Variants in SORCS2 observed in about 807,000 individuals in gnomAD.
SORCS2 encodes VPS10 domain-containing receptor SorCS2.
A neutral mutation model predicts 141.6 loss-of-function variants in SORCS2; 100 were observed. The observed-to-expected ratio is 0.71, with a 90% confidence interval of 0.60 to 0.83. The LOEUF (loss-of-function observed/expected upper bound fraction) is 0.83. SORCS2 is among the 40% of genes least tolerant of loss of function. The probability of loss-of-function intolerance (pLI) is 0.00; values close to 1 mark genes in which losing one functional copy is unlikely to be tolerated. For synonymous variants in SORCS2, 789 were observed against 676.9 expected (o/e 1.17, Z -2.57); for missense variants, 1,646 against 1,560.2 (o/e 1.05, Z -0.93).
intron 1 of SORCS2, among the ~76,000 whole-genome samples, chr4:7,243,809 G>C (rs955813048): frequency 5.9e-5 from 9 of 152,236 alleles, no homozygotes; most frequent in African/African-American, 2.2e-4. Context: ...TTCCCTGCGA[G>C]GGCAGGCCGG....
intron 1 of SORCS2, among the ~76,000 whole-genome samples, chr4:7,204,497 C>T (rs1042026918): frequency 6.6e-6 from 1 of 152,152 alleles, no homozygotes; most frequent in East Asian, 1.9e-4. Context: ...AGATTGTAGG[C>T]GTGAGCCACC....
intron 16 of SORCS2, 128 bp from the exon 17 acceptor site, chr4:7,715,055 C>CA: frequency 7.7e-7 from 1 of 1,301,312 alleles, no homozygotes; most frequent in Admixed American, 1.9e-5. Context: ...GATGTCCTCA[C>CA]AGATGGGTGC....
chr4:7,341,270 C>A (rs1382877473), intron 1 of SORCS2, among the ~76,000 whole-genome samples: 1 of 152,216 alleles, frequency 6.6e-6, no homozygotes, highest in Non-Finnish European at 1.5e-5. Context: ...AGCCCCTGGG[C>A]CTTTGCACAT....
At chr4:7,316,007 A>G (rs1417026190) in intron 1 of SORCS2, among the ~76,000 whole-genome samples, 1 of 151,832 alleles carries the variant, frequency 6.6e-6, no homozygotes, top group Admixed American at 6.6e-5. Context: ...ATATTCATCT[A>G]TCCTTTCTAT....
intron 1 of SORCS2, among the ~76,000 whole-genome samples, chr4:7,330,322 C>T (rs1719573361): frequency 6.6e-6 from 1 of 152,072 alleles, no homozygotes; most frequent in African/African-American, 2.4e-5. Flanking sequence ...AGGACATGGA[C>T]ACCTTTTAGG....
intron 2 of SORCS2, among the ~76,000 whole-genome samples, chr4:7,436,424 G>A (rs1286928771): frequency 6.6e-6 from 1 of 152,236 alleles, no homozygotes; most frequent in African/African-American, 2.4e-5. Flanking sequence ...CTGCCCCTTG[G>A]CGTGAACGCA....
At position 7,623,104 on chromosome 4, in the gene SORCS2, C is replaced by T. The variant is rs575549684; in HGVS notation, c.649-15224C>T. 1.6e-4 allele frequency among the ~76,000 whole-genome samples: 25 copies of T among 152,216 alleles called. No individual in the cohort carries two copies. In the South Asian group the frequency reaches 4.8e-3, roughly 29 times the overall value. On this transcript the variant is annotated intron_variant, in intron 3 of 26. Transcript: ENST00000507866. ...TAGGGACCATTACCCCCCCGACTGG[C>T]AGCCAGTGGTGCCCAGGGACACCGA...
At chr4:7,733,493 C>G in intron 24 of SORCS2, 72 bp downstream of exon 24, 2 of 1,278,290 alleles carry the variant, frequency 1.6e-6, no homozygotes, top group Non-Finnish European at 2.2e-6. Flanking sequence ...CATGTCCCTG[C>G]AGGGCCCTCG....
chr4:7,509,920 A>C (rs1489822241), intron 2 of SORCS2, among the ~76,000 whole-genome samples: 1 of 152,202 alleles, frequency 6.6e-6, no homozygotes, highest in Non-Finnish European at 1.5e-5. Flanking sequence ...CTTCAGGGGC[A>C]CGAAATTACA....
chr4:7,264,594 G>A (rs183851930), intron 1 of SORCS2, among the ~76,000 whole-genome samples: 145 of 152,320 alleles, frequency 9.5e-4, no homozygotes, highest in African/African-American at 3.2e-3. Context: ...TGTCCTTCTC[G>A]GGAAGGTGCT....
At chr4:7,538,433 C>A (rs760700913) in intron 3 of SORCS2, among the ~76,000 whole-genome samples, 1 of 152,190 alleles carries the variant, frequency 6.6e-6, no homozygotes, top group Non-Finnish European at 1.5e-5. Context: ...CCACTTGGCC[C>A]CAGGAGCCCT....
chr4:7,592,004 A>C (rs1200305430), intron 3 of SORCS2, among the ~76,000 whole-genome samples: 1 of 151,924 alleles, frequency 6.6e-6, no homozygotes, highest in Non-Finnish European at 1.5e-5. Flanking sequence ...GAAAAAAAAA[A>C]TCCCCCTTTA....
intron 1 of SORCS2, among the ~76,000 whole-genome samples, chr4:7,331,128 AG>A (rs1409980984): frequency 1.3e-5 from 2 of 151,756 alleles, no homozygotes; most frequent in Non-Finnish European, 2.9e-5. Flanking sequence ...GGGTGGGGAC[AG>A]GGTGGAGGAA....
chr4:7,498,710 G>A (rs1731780513), intron 2 of SORCS2, among the ~76,000 whole-genome samples: 1 of 152,234 alleles, frequency 6.6e-6, no homozygotes, highest in African/African-American at 2.4e-5. Context: ...GTGGACCAAG[G>A]CTGATGCCTG....
intron 12 of SORCS2, among the ~76,000 whole-genome samples, chr4:7,698,445 C>T (rs541289165): frequency 5.3e-5 from 8 of 152,104 alleles, no homozygotes; most frequent in African/African-American, 1.2e-4. Context: ...AGGGCAAAGG[C>T]GATTTATTGT....
At chr4:7,388,103 C>T (rs986269248) in intron 1 of SORCS2, among the ~76,000 whole-genome samples, 2 of 130,806 alleles carry the variant, frequency 1.5e-5, no homozygotes, top group African/African-American at 5.9e-5. Flanking sequence ...CACATGCATG[C>T]ACAGACACAT....
intron 1 of SORCS2, among the ~76,000 whole-genome samples, chr4:7,300,283 G>A (rs560381882): frequency 5.3e-4 from 80 of 152,286 alleles, no homozygotes; most frequent in African/African-American, 1.7e-3. Flanking sequence ...TCGGGGATGG[G>A]GTGGGAAGTA....
intron 1 of SORCS2, among the ~76,000 whole-genome samples, chr4:7,296,562 T>C (rs895824703): frequency 7.9e-5 from 12 of 152,144 alleles, no homozygotes; most frequent in Non-Finnish European, 1.3e-4. Flanking sequence ...TTGAGGCCAC[T>C]CGCTCCTGCG....
Position 7,714,261 on chromosome 4 carries a change from C to G in SORCS2, c.2011C>G (p.Gln671Glu), listed in dbSNP as rs1726035637. Residue 671 changes from glutamine (Q) to glutamate (E), a missense_variant, in exon 16 of 27, where the codon CAG becomes GAG. Gln to Glu is a conservative substitution (Grantham distance 29, BLOSUM62 2). Transcript: ENST00000507866. The stretch of plus-strand genomic sequence containing the variant: ...GCAGGGCGACCGCTGTATCATGGGC[C>G]AGCAGAGAAGTTTCCGGAAAAGAAA... ...NLQGDRCIMG[Q>E]QRSFRKRKST... is the part of the protein sequence containing the mutation. 1.2e-6 allele frequency: 2 copies of G among 1,611,050 alleles called. No homozygotes were observed. Among genetic ancestry groups the G allele is most frequent in the African/African-American group, 1.3e-5 (1 of 74,898 alleles).
Sources: allele counts gnomAD v4.1 joint callset (sites outside exome capture counted in the v4.1 genomes callset), GRCh38; gene constraint gnomAD v4.1.1; transcripts MANE v1.5; gene names NCBI Gene and HGNC (gene_info 2026-07-23, HGNC 2026-07-21).